Variants in PPP2R2C observed in about 807,000 individuals in gnomAD.
The protein encoded by PPP2R2C is protein phosphatase 2 regulatory subunit Bgamma.
Under a neutral mutation model 45.3 loss-of-function variants are expected in PPP2R2C, and 10 were observed. That is an observed-to-expected ratio of 0.22 (90% CI 0.14 to 0.37). The LOEUF (loss-of-function observed/expected upper bound fraction) is 0.37, where lower values mean the gene tolerates loss of function less well. Among genes scored for constraint, PPP2R2C ranks in the 10% least tolerant of loss-of-function variants. The pLI is 1.00. For missense variants in PPP2R2C, 308 were observed against 619.7 expected (o/e 0.50, Z 5.34); for synonymous variants, 257 against 245.4 (o/e 1.05, Z -0.44).
intron 1 of PPP2R2C, among the ~76,000 whole-genome samples, chr4:6,462,983 T>G (rs1034555658): frequency 2.6e-5 from 4 of 152,184 alleles, no homozygotes; most frequent in African/African-American, 9.7e-5. Flanking sequence ...GGGAGCGGCA[T>G]CTCTCCCTTC....
At chr4:6,517,197 A>C (rs766025818) in intron 2 of PPP2R2C, among the ~76,000 whole-genome samples, 1 of 152,156 alleles carries the variant, frequency 6.6e-6, no homozygotes, top group Non-Finnish European at 1.5e-5. Context: ...AGTGAGGGAC[A>C]GGACTGATCT....
chr4:6,361,880 C>T (rs1395261682), intron 5 of PPP2R2C, among the ~76,000 whole-genome samples: 5 of 152,332 alleles, frequency 3.3e-5, no homozygotes, highest in African/African-American at 1.2e-4. Flanking sequence ...CATGATCGAT[C>T]GATGGCCTAA....
intron 6 of PPP2R2C, among the ~76,000 whole-genome samples, chr4:6,336,200 C>T (rs1577075536): frequency 6.6e-6 from 1 of 152,050 alleles, no homozygotes; most frequent in East Asian, 1.9e-4. Flanking sequence ...GGAGCCCAAC[C>T]CACCCCTCCA....
chr4:6,474,804 C>T (rs942599332), upstream of PPP2R2C, among the ~76,000 whole-genome samples: 2 of 151,250 alleles, frequency 1.3e-5, no homozygotes, highest in East Asian at 2.0e-4. Flanking sequence ...AAGCCCTCCC[C>T]CTCCAGCACA....
At chr4:6,451,883 C>A (rs773583636) in intron 1 of PPP2R2C, among the ~76,000 whole-genome samples, 1 of 152,070 alleles carries the variant, frequency 6.6e-6, no homozygotes, top group Admixed American at 6.6e-5. Context: ...GAGGGCTCCA[C>A]GGAACCCTCA....
chr4:6,413,174 C>G (rs11731465), intron 1 of PPP2R2C, among the ~76,000 whole-genome samples: 41,205 of 151,988 alleles, frequency 0.27, 5,982 homozygotes, highest in Admixed American at 0.39. Flanking sequence ...ATCACACGCT[C>G]TCACACTCAC....
At chr4:6,514,748 A>G (rs1723779635) in intron 2 of PPP2R2C, among the ~76,000 whole-genome samples, 1 of 152,190 alleles carries the variant, frequency 6.6e-6, no homozygotes, top group South Asian at 2.1e-4. Flanking sequence ...GGTGGCCCCA[A>G]ACAACGGAAT....
At position 6,396,033 on chromosome 4, in the gene PPP2R2C, C is replaced by G. The variant is rs988555753; in HGVS notation, c.71-14939G>C. On this transcript the variant is annotated intron_variant, in intron 1 of 8. Coordinates refer to ENST00000382599, the MANE Select transcript of PPP2R2C (RefSeq NM_020416.4). ...CCGGCCACCCCAGTGGGACCTGGGT[C>G]ACCGGGGAACTCACACAGGAGCATT... 7.9e-5 allele frequency among the ~76,000 whole-genome samples: 12 copies of G among 152,226 alleles called. No individual in the cohort carries two copies. The East Asian group carries it at 1.3e-3, about 17-fold the overall frequency.
chr4:6,530,845 T>C (rs1167706579), intron 2 of PPP2R2C, among the ~76,000 whole-genome samples: 1 of 152,220 alleles, frequency 6.6e-6, no homozygotes, highest in Non-Finnish European at 1.5e-5. Flanking sequence ...GCTCCTGCCA[T>C]CTGGCCCTTT....
At chr4:6,383,014 G>A (rs1715963965) in intron 1 of PPP2R2C, 1 of 1,071,422 alleles carries the variant, frequency 9.3e-7, no homozygotes, top group Non-Finnish European at 1.1e-6. Flanking sequence ...CTCCCATGGT[G>A]GGCCAGGTGA....
intron 1 of PPP2R2C, chr4:6,383,216 G>A (rs571486327): frequency 8.4e-7 from 1 of 1,194,386 alleles, no homozygotes; most frequent in East Asian, 6.1e-5. Context: ...GGGGGAGGAG[G>A]AAGAGTGGGT....
At chr4:6,451,854 C>A (rs141158220) in intron 1 of PPP2R2C, among the ~76,000 whole-genome samples, 1 of 152,074 alleles carries the variant, frequency 6.6e-6, no homozygotes, top group African/African-American at 2.4e-5. Flanking sequence ...AGAGTTGGAT[C>A]GGCAGAGCCA....
chr4:6,511,601 G>C lies in PPP2R2C; in HGVS notation c.49+23670C>G, dbSNP rs372837167. 2.7e-3 allele frequency among the ~76,000 whole-genome samples: 4 copies of C among 1,460 alleles called. 1 individual carries two copies. Among genetic ancestry groups the C allele is most frequent in the Non-Finnish European group, 4.6e-3 (3 of 650 alleles). 1.0% of individuals were successfully genotyped at this position (1,460 alleles called of 152,430 possible). A position where few individuals can be genotyped will look rare whatever the true frequency, so the allele number is the denominator to read the frequency against. On this transcript the variant is annotated intron_variant, in intron 2 of 9. Coordinates refer to the PPP2R2C transcript ENST00000506140. Reference sequence around the variant, plus strand: ...GCGGTGGTGGTGGTGGTGGTGATGGGGGTGGTGGTGGTGGTGATGGTGGTG... The same window carrying C: ...GCGGTGGTGGTGGTGGTGGTGATGGCGGTGGTGGTGGTGGTGATGGTGGTG...
At chr4:6,360,741 CAGG>C (rs1173100894) in intron 5 of PPP2R2C, among the ~76,000 whole-genome samples, 1 of 152,228 alleles carries the variant, frequency 6.6e-6, no homozygotes, top group Non-Finnish European at 1.5e-5. Context: ...TCAGATCCTA[CAGG>C]AGGATTCCTG....
At chr4:6,381,273 C>T (rs1715773815) in intron 1 of PPP2R2C, 179 bp from the exon 2 acceptor site, 1 of 1,531,500 alleles carries the variant, frequency 6.5e-7, no homozygotes, top group Non-Finnish European at 8.7e-7. Context: ...AACCTGTCCC[C>T]TCCTGCCCTC....
At chr4:6,533,226 C>G (rs1294744710) in intron 2 of PPP2R2C, among the ~76,000 whole-genome samples, 1 of 152,140 alleles carries the variant, frequency 6.6e-6, no homozygotes, top group Non-Finnish European at 1.5e-5. Context: ...GAGAACATGG[C>G]AGGAGTAAAA....
At chr4:6,344,970 A>C (rs1485026882) in intron 6 of PPP2R2C, among the ~76,000 whole-genome samples, 1 of 152,248 alleles carries the variant, frequency 6.6e-6, no homozygotes, top group Non-Finnish European at 1.5e-5. Flanking sequence ...AGATTTGCAC[A>C]CAAGTTTTCC....
At chr4:6,457,046 T>G (rs1721077650) in intron 1 of PPP2R2C, among the ~76,000 whole-genome samples, 1 of 151,916 alleles carries the variant, frequency 6.6e-6, no homozygotes, top group Non-Finnish European at 1.5e-5. Context: ...CCGTCTCTAC[T>G]AAAAATACAA....
chr4:6,386,484 T>A (rs1451157216), intron 1 of PPP2R2C, among the ~76,000 whole-genome samples: 4 of 152,182 alleles, frequency 2.6e-5, no homozygotes, highest in African/African-American at 9.7e-5. Context: ...TTCCAGCAGC[T>A]GCAACCCAGC....
Sources: allele counts gnomAD v4.1 joint callset (sites outside exome capture counted in the v4.1 genomes callset), GRCh38; gene constraint gnomAD v4.1.1; transcripts MANE v1.5; gene names NCBI Gene and HGNC (gene_info 2026-07-23, HGNC 2026-07-21).